SHROOM3: variants seen among roughly 807,000 people sequenced by gnomAD.
The protein encoded by SHROOM3 is shroom family member 3.
In SHROOM3, 47 loss-of-function variants were observed where a neutral mutation model predicts 138.6. That is an observed-to-expected ratio of 0.34 (90% CI 0.27 to 0.43). SHROOM3 has a LOEUF of 0.43. Ranked by LOEUF, SHROOM3 falls within the 20% of genes least tolerant of loss-of-function variation. SHROOM3 has a pLI of 1.00. For synonymous variants in SHROOM3, 1,062 were observed against 1,063.3 expected (o/e 1.00, Z 0.02); for missense variants, 2,491 against 2,596.5 (o/e 0.96, Z 0.88).
chr4:76,738,854 G>A lies in SHROOM3; in HGVS notation c.681G>A (p.Glu227=), dbSNP rs376382276. 2 of 1,614,104 alleles carry A rather than the reference G, an allele frequency of 1.2e-6. No homozygotes were observed. Among genetic ancestry groups the A allele is most frequent in the Non-Finnish European group, 1.7e-6 (2 of 1,180,036 alleles). ...CSSQGSMESL[E]PSGAYPPCHL... ...CCCAGGGGAGCATGGAGAGCCTGGA[G>A]CCCAGTGGGGCATACCCACCCTGTC... Residue 227 remains glutamate (E), a synonymous_variant, in exon 5 of 11, where the codon GAG becomes GAA. Coordinates refer to ENST00000296043, the MANE Select transcript of SHROOM3 (RefSeq NM_020859.4).
intron 2 of SHROOM3, chr4:76,688,918 G>A: frequency 2.0e-6 from 2 of 984,562 alleles, no homozygotes; most frequent in Admixed American, 6.2e-5. Context: ...CTGAGAAGAG[G>A]GCATGCTGAG....
At chr4:76,515,530 T>G (rs1732427058) in intron 1 of SHROOM3, among the ~76,000 whole-genome samples, 1 of 152,212 alleles carries the variant, frequency 6.6e-6, no homozygotes, top group Admixed American at 6.5e-5. Flanking sequence ...TTATTATTAT[T>G]ATTTCCTTTA....
chr4:76,607,117 T>C (rs963721600), intron 2 of SHROOM3, among the ~76,000 whole-genome samples: 1 of 152,168 alleles, frequency 6.6e-6, no homozygotes, highest in African/African-American at 2.4e-5. Context: ...TACAAACAAA[T>C]ACTCATCATT....
chr4:76,443,106 G>T (rs1184894816), intron 1 of SHROOM3, among the ~76,000 whole-genome samples: 1 of 152,138 alleles, frequency 6.6e-6, no homozygotes, highest in African/African-American at 2.4e-5. Context: ...AGAAAAAAGG[G>T]AAACTCATGT....
chr4:76,767,289 C>T (rs1317217134), intron 9 of SHROOM3, among the ~76,000 whole-genome samples: 1 of 152,182 alleles, frequency 6.6e-6, no homozygotes, highest in Non-Finnish European at 1.5e-5. Flanking sequence ...GATGAGTTCT[C>T]TCCTCTCATC....
At chr4:76,455,400 G>T (rs1415527064) in intron 1 of SHROOM3, among the ~76,000 whole-genome samples, 2 of 151,948 alleles carry the variant, frequency 1.3e-5, no homozygotes, top group African/African-American at 2.4e-5. Context: ...TGGGGGAAAA[G>T]AATCTTAATA....
At chr4:76,618,574 T>C (rs1338794024) in intron 2 of SHROOM3, among the ~76,000 whole-genome samples, 1 of 152,220 alleles carries the variant, frequency 6.6e-6, no homozygotes, top group Non-Finnish European at 1.5e-5. Flanking sequence ...GTTTCACCTA[T>C]TGCCCCCATT....
At chr4:76,747,094 A>G (rs943641676) in intron 5 of SHROOM3, among the ~76,000 whole-genome samples, 1 of 152,148 alleles carries the variant, frequency 6.6e-6, no homozygotes, top group African/African-American at 2.4e-5. Context: ...CTGGGATCAC[A>G]GGCGTGAGCC....
chr4:76,688,554 T>G (rs932674109), intron 2 of SHROOM3: 32 of 985,162 alleles, frequency 3.2e-5, no homozygotes, highest in Admixed American at 6.1e-5. Flanking sequence ...TCTCTGGAGG[T>G]GACACGTGAG....
intron 5 of SHROOM3, chr4:76,742,250 CT>C (rs560538694): frequency 0.12 from 34,143 of 273,542 alleles, 3 homozygotes; most frequent in South Asian, 0.23. Flanking sequence ...TTGTTTTTTG[CT>C]TTTTTTTTTT....
At chr4:76,708,453 C>T (rs1471718390) in intron 2 of SHROOM3, among the ~76,000 whole-genome samples, 1 of 151,644 alleles carries the variant, frequency 6.6e-6, no homozygotes, top group East Asian at 1.9e-4. Flanking sequence ...TTAAATACTA[C>T]AAAGGTTTTA....
intron 2 of SHROOM3, among the ~76,000 whole-genome samples, chr4:76,597,882 A>G (rs959275035): frequency 6.6e-6 from 1 of 152,056 alleles, no homozygotes; most frequent in Non-Finnish European, 1.5e-5. Flanking sequence ...GTCAGTGTTT[A>G]TTTGTTTGGC....
chr4:76,468,050 C>T (rs937945752), intron 1 of SHROOM3, among the ~76,000 whole-genome samples: 1 of 152,162 alleles, frequency 6.6e-6, no homozygotes, highest in African/African-American at 2.4e-5. Context: ...CTGTTGGGAG[C>T]CAGACCAGTT....
chr4:76,677,775 T>A (rs2110101526), intron 2 of SHROOM3, among the ~76,000 whole-genome samples: 1 of 152,350 alleles, frequency 6.6e-6, no homozygotes, highest in Non-Finnish European at 1.5e-5. Flanking sequence ...TCTTATCTTT[T>A]CGTTTCTAGG....
intron 2 of SHROOM3, among the ~76,000 whole-genome samples, chr4:76,575,061 A>G (rs1007567290): frequency 2.0e-5 from 3 of 152,222 alleles, no homozygotes; most frequent in African/African-American, 7.2e-5. Flanking sequence ...AAATCAATCA[A>G]TACTATATAT....
intron 1 of SHROOM3, among the ~76,000 whole-genome samples, chr4:76,448,684 G>C (rs1730863100): frequency 6.6e-6 from 1 of 152,074 alleles, no homozygotes; most frequent in African/African-American, 2.4e-5. Context: ...CCACTTCCTT[G>C]TCAGCTTTCT....
chr4:76,754,236 T>C (rs1578020645), intron 6 of SHROOM3, 75 bp from the exon 7 acceptor site: 2 of 1,575,134 alleles, frequency 1.3e-6, no homozygotes, highest in East Asian at 4.5e-5. Flanking sequence ...TTTTCTCATC[T>C]ATGTAAGGAG....
intron 2 of SHROOM3, among the ~76,000 whole-genome samples, chr4:76,709,345 G>A (rs1362346855): frequency 6.6e-6 from 1 of 152,186 alleles, no homozygotes; most frequent in African/African-American, 2.4e-5. Context: ...CACAAACAGA[G>A]ATGATGACAA....
intron 2 of SHROOM3, among the ~76,000 whole-genome samples, chr4:76,646,098 A>T (rs186430681): frequency 8.7e-4 from 132 of 151,992 alleles, no homozygotes; most frequent in African/African-American, 3.0e-3. Context: ...AAGGGATAGC[A>T]TTAGGAGATA....
Sources: allele counts gnomAD v4.1 joint callset (sites outside exome capture counted in the v4.1 genomes callset), GRCh38; gene constraint gnomAD v4.1.1; transcripts MANE v1.5; gene names NCBI Gene and HGNC (gene_info 2026-07-23, HGNC 2026-07-21).